Variants in AGBL1 observed in about 807,000 individuals in gnomAD.
AGBL1 encodes the protein AGBL carboxypeptidase 1.
A neutral mutation model predicts 118.9 loss-of-function variants in AGBL1; 130 were observed. The ratio of observed to expected loss-of-function variants is 1.09; its 90% CI spans 0.95 to 1.26. The LOEUF (loss-of-function observed/expected upper bound fraction) is 1.26, where lower values mean the gene tolerates loss of function less well. Ranked by LOEUF, AGBL1 falls within the 50% of genes most tolerant of loss-of-function variation. AGBL1 has a pLI of 0.00. For missense variants in AGBL1, 1,584 were observed against 1,298.1 expected (o/e 1.22, Z -3.38); for synonymous variants, 555 against 478.9 (o/e 1.16, Z -2.08).
Position 86,256,865 on chromosome 15 carries a change from G to A in AGBL1, c.748G>A (p.Asp250Asn). The A allele has an allele frequency of 1.2e-6, 2 of 1,613,880 alleles. No homozygotes were observed. Among genetic ancestry groups the A allele is most frequent in the Non-Finnish European group, 1.7e-6 (2 of 1,179,848 alleles). ...TCCCTTTGCTCAGAACTGCCTGGAT[G>A]ACAAGAGCATGGAGCCCGTCATCTC... is the stretch of plus-strand genomic sequence containing the variant. The part of the protein sequence containing the change: ...LFSTTQNCLD[D>N]KSMEPVISVV... Residue 250 changes from aspartate to asparagine, a missense_variant, in exon 8 of 23, where the codon GAC becomes AAC. Transcript: ENST00000614907.
chr15:86,099,925 G>A (rs62012425), intron 1 of AGBL1, among the ~76,000 whole-genome samples: 3,506 of 152,280 alleles, frequency 0.023, 71 homozygotes, highest in Middle Eastern at 0.041. Flanking sequence ...TAGAAGAAGG[G>A]ATTTCAGTTT....
intron 5 of AGBL1, among the ~76,000 whole-genome samples, chr15:86,192,132 CCA>C (rs2077732978): frequency 1.3e-5 from 2 of 151,144 alleles, no homozygotes; most frequent in Non-Finnish European, 2.9e-5. Flanking sequence ...ACACACACAC[CCA>C]CACACATGCA....
intron 22 of AGBL1, among the ~76,000 whole-genome samples, chr15:86,685,675 T>G (rs1278149188): frequency 6.6e-6 from 1 of 152,130 alleles, no homozygotes; most frequent in African/African-American, 2.4e-5. Flanking sequence ...TTAATACTAT[T>G]TTATAGATAA....
At chr15:86,125,722 C>A (rs940423185) in intron 1 of AGBL1, among the ~76,000 whole-genome samples, 6 of 152,190 alleles carry the variant, frequency 3.9e-5, no homozygotes, top group Non-Finnish European at 1.5e-5. Context: ...AGTGTCCCAG[C>A]CATGTGTCCC....
chr15:86,564,496 A>G (rs1032301820), intron 21 of AGBL1, among the ~76,000 whole-genome samples: 97 of 152,192 alleles, frequency 6.4e-4, no homozygotes, highest in African/African-American at 2.2e-3. Context: ...CTGCCGAGAG[A>G]TCTGCTGTTA....
At chr15:86,605,769 A>ATG (rs973560790) in intron 21 of AGBL1, among the ~76,000 whole-genome samples, 5 of 124,966 alleles carry the variant, frequency 4.0e-5, no homozygotes, top group African/African-American at 6.1e-5. Flanking sequence ...GTGTGTGTGT[A>ATG]TGTGTGTGTG....
At chr15:86,224,994 G>C (rs770592920) in intron 6 of AGBL1, 43 bp downstream of exon 6, 32 of 1,593,974 alleles carry the variant, frequency 2.0e-5, no homozygotes, top group Non-Finnish European at 2.1e-5. Flanking sequence ...CTCCACTCTG[G>C]GTTTAATGAA....
intron 18 of AGBL1, among the ~76,000 whole-genome samples, chr15:86,466,599 T>C (rs1054937235): frequency 2.6e-5 from 4 of 152,240 alleles, no homozygotes; most frequent in African/African-American, 7.2e-5. Context: ...TTTCAGCCTT[T>C]TTGTGCTGAT....
chr15:86,524,213 C>T (rs2083229768), intron 19 of AGBL1, among the ~76,000 whole-genome samples: 1 of 152,182 alleles, frequency 6.6e-6, no homozygotes, highest in Non-Finnish European at 1.5e-5. Context: ...ATATGTTTTT[C>T]TACCCTGCAA....
intron 5 of AGBL1, among the ~76,000 whole-genome samples, chr15:86,204,888 C>T (rs1165829249): frequency 6.6e-6 from 1 of 152,154 alleles, no homozygotes; most frequent in Non-Finnish European, 1.5e-5. Context: ...CCGTGCCCAG[C>T]CTACAATTTC....
intron 22 of AGBL1, among the ~76,000 whole-genome samples, chr15:86,692,586 A>T (rs2086191703): frequency 6.6e-6 from 1 of 152,118 alleles, no homozygotes; most frequent in African/African-American, 2.4e-5. Flanking sequence ...ACTTCTTACT[A>T]ACTTACTAAA....
chr15:86,269,876 A>G, intron 13 of AGBL1, 43 bp from the exon 14 acceptor site: 3 of 1,602,300 alleles, frequency 1.9e-6, no homozygotes, highest in Non-Finnish European at 2.6e-6. Context: ...GTTTACCTGA[A>G]AGACTTTCCA....
intron 22 of AGBL1, among the ~76,000 whole-genome samples, chr15:86,740,956 A>G (rs763730737): frequency 9.2e-5 from 14 of 152,130 alleles, no homozygotes; most frequent in East Asian, 1.9e-4. Context: ...TAGATCCTCA[A>G]GTATACCTGC....
intron 1 of AGBL1, among the ~76,000 whole-genome samples, chr15:86,091,986 T>C (rs368673051): frequency 2.6e-5 from 4 of 152,146 alleles, no homozygotes; most frequent in African/African-American, 9.7e-5. Context: ...ATCTCTCTTC[T>C]CCAAAGTTGC....
At chr15:86,526,872 G>A (rs1332589455) in intron 19 of AGBL1, among the ~76,000 whole-genome samples, 1 of 151,968 alleles carries the variant, frequency 6.6e-6, no homozygotes, top group Non-Finnish European at 1.5e-5. Flanking sequence ...TGGGAGTGGA[G>A]TGAAATGAAA....
intron 23 of AGBL1, among the ~76,000 whole-genome samples, chr15:86,975,666 C>G (rs1222614264): frequency 6.6e-6 from 1 of 152,136 alleles, no homozygotes; most frequent in Non-Finnish European, 1.5e-5. Flanking sequence ...ACACAGTGGA[C>G]TTTTGCAAAT....
chr15:86,700,720 G>T (rs914152266), intron 22 of AGBL1, among the ~76,000 whole-genome samples: 1 of 152,056 alleles, frequency 6.6e-6, no homozygotes, highest in Non-Finnish European at 1.5e-5. Flanking sequence ...TTTATTCTGT[G>T]CCTCAAGTAA....
intron 17 of AGBL1, among the ~76,000 whole-genome samples, chr15:86,354,081 G>A (rs2080675034): frequency 6.6e-6 from 1 of 152,170 alleles, no homozygotes; most frequent in Admixed American, 6.5e-5. Flanking sequence ...CTGCTAAATG[G>A]CATGGCTGTC....
intron 22 of AGBL1, among the ~76,000 whole-genome samples, chr15:86,755,534 A>T (rs1174567824): frequency 6.6e-6 from 1 of 152,090 alleles, no homozygotes; most frequent in African/African-American, 2.4e-5. Context: ...TTTCAGATAT[A>T]ACGTACCGTT....
Sources: gnomAD v4.1 joint callset for allele counts (sites outside exome capture counted in the v4.1 genomes callset) on GRCh38, gnomAD v4.1.1 for gene constraint, MANE v1.5 for transcripts, NCBI Gene and HGNC (gene_info 2026-07-23, HGNC 2026-07-21) for gene names.